DSCAML1: variants seen among roughly 807,000 people sequenced by gnomAD.
DSCAML1 encodes DS cell adhesion molecule like 1.
DSCAML1 carries 38 observed loss-of-function variants against 200.5 expected under a neutral mutation model. The ratio of observed to expected loss-of-function variants is 0.19; its 90% CI spans 0.15 to 0.25. The LOEUF (loss-of-function observed/expected upper bound fraction) is 0.25, where lower values mean the gene tolerates loss of function less well. DSCAML1 is among the 10% of genes least tolerant of loss of function. The pLI is 1.00. For synonymous variants in DSCAML1, 1,215 were observed against 1,165.0 expected (o/e 1.04, Z -0.87); for missense variants, 2,223 against 2,858.8 (o/e 0.78, Z 5.07).
intron 4 of DSCAML1, among the ~76,000 whole-genome samples, chr11:117,527,509 A>G (rs1356027005): frequency 6.6e-6 from 1 of 152,238 alleles, no homozygotes; most frequent in East Asian, 1.9e-4. Flanking sequence ...TTTTCTGGAT[A>G]GAAATCCACA....
intron 3 of DSCAML1, among the ~76,000 whole-genome samples, chr11:117,670,726 C>T (rs1272281756): frequency 1.3e-5 from 2 of 152,172 alleles, no homozygotes; most frequent in Non-Finnish European, 2.9e-5. Flanking sequence ...GCTTGGGTAA[C>T]GTTTCATCCT....
intron 8 of DSCAML1, among the ~76,000 whole-genome samples, chr11:117,514,780 C>T (rs988395124): frequency 2.6e-5 from 4 of 152,138 alleles, no homozygotes; most frequent in African/African-American, 7.2e-5. Context: ...CAGGGTTTCT[C>T]CACATTGGTC....
chr11:117,648,311 G>A (rs756555734), intron 3 of DSCAML1, among the ~76,000 whole-genome samples: 4 of 152,206 alleles, frequency 2.6e-5, no homozygotes, highest in Non-Finnish European at 5.9e-5. Flanking sequence ...GGTCTCCCCA[G>A]CAGGGGCCGG....
At chr11:117,464,637 G>A (rs927429706) in intron 17 of DSCAML1, among the ~76,000 whole-genome samples, 2 of 152,178 alleles carry the variant, frequency 1.3e-5, no homozygotes, top group African/African-American at 4.8e-5. Flanking sequence ...GGAAGGCCAA[G>A]GGAGAAGCGT....
intron 3 of DSCAML1, among the ~76,000 whole-genome samples, chr11:117,738,113 T>TTG (rs376624074): frequency 2.0e-5 from 3 of 151,972 alleles, no homozygotes; most frequent in African/African-American, 4.8e-5. Context: ...TGCTGAATGA[T>TTG]TGTGTGTGTG....
intron 3 of DSCAML1, among the ~76,000 whole-genome samples, chr11:117,614,736 T>C (rs142353193): frequency 2.0e-5 from 3 of 152,352 alleles, no homozygotes; most frequent in African/African-American, 7.2e-5. Context: ...CCCAACGCAG[T>C]CTGACTTCCC....
Position 117,642,932 on chromosome 11 carries a change from T to C in DSCAML1, c.512-110410A>G, listed in dbSNP as rs2052441714. Among the ~76,000 whole-genome samples the C allele has an allele frequency of 2.0e-5, 3 of 152,170 alleles. No homozygotes were observed. Among genetic ancestry groups the C allele is most frequent in the African/African-American group, 7.2e-5 (3 of 41,442 alleles). On this transcript the variant is annotated intron_variant, in intron 3 of 32. Transcript: ENST00000651296. The surrounding 1 kb of genome is among the most constrained non-coding windows in gnomAD (Gnocchi z 4.1). ...TAAAAGGAAGAGACGCCAGGACAGT[T>C]TTCCCCAACCTTCCTCACCAGAAAC...
At chr11:117,447,408 G>A (rs2048202050) in intron 20 of DSCAML1, among the ~76,000 whole-genome samples, 1 of 152,150 alleles carries the variant, frequency 6.6e-6, no homozygotes, top group African/African-American at 2.4e-5. Flanking sequence ...TTGGTTTAAT[G>A]AAACACCTCA....
At position 117,463,609 on chromosome 11, in the gene DSCAML1, C is replaced by T. The variant is rs192978160; in HGVS notation, c.3265+1333G>A. Among the ~76,000 whole-genome samples, 599 of 152,280 alleles carry T rather than the reference C, an allele frequency of 3.9e-3. 4 individuals carry two copies. Among genetic ancestry groups the T allele is most frequent in the Non-Finnish European group, 6.0e-3 (406 of 68,028 alleles). Reference sequence around the variant, plus strand: ...CACTAAGAGGAGACAAGCTGATCTTCCTCAATCCAGCCAGGCCCGAGGCCA... The same window carrying T: ...CACTAAGAGGAGACAAGCTGATCTTTCTCAATCCAGCCAGGCCCGAGGCCA... On this transcript the variant is annotated intron_variant, in intron 17 of 32. Transcript: ENST00000651296. This position sits in a 1 kb window ranked among gnomAD's most constrained non-coding sequence, Gnocchi z 4.0.
chr11:117,608,053 G>A (rs563430990), intron 3 of DSCAML1, among the ~76,000 whole-genome samples: 2 of 152,320 alleles, frequency 1.3e-5, no homozygotes, highest in Non-Finnish European at 2.9e-5. Context: ...ACATTGTAGT[G>A]GGTAAATTCT....
intron 3 of DSCAML1, among the ~76,000 whole-genome samples, chr11:117,538,499 G>A (rs2050207546): frequency 1.3e-5 from 2 of 152,226 alleles, no homozygotes; most frequent in South Asian, 4.1e-4. Flanking sequence ...TTCCTCCTCA[G>A]GAGCTGGGTT....
chr11:117,439,912 C>T lies in DSCAML1; in HGVS notation c.3887G>A (p.Gly1296Glu). 6.2e-7 allele frequency: 1 copy of T among 1,614,176 alleles called. No individual in the cohort carries two copies. The highest frequency in any genetic ancestry group is 1.1e-5 in the South Asian group (1 of 91,084). The stretch of plus-strand genomic sequence containing the variant: ...CATCCAAGGTGTTGTCACGGTGCCC[C>T]CAAAGGAGATGATCTTTGCTGGGGC... ...GKAPAKIISFGGTVTTPWMKD... is the reference protein window; with the variant it reads ...GKAPAKIISFEGTVTTPWMKD... The change falls in exon 22 of 33, where the codon GGG becomes GAG. Residue 1296 changes from glycine (G) to glutamate (E), a missense_variant. This residue lies in a region of DSCAML1 where 614 missense variants were observed against 739.1 expected (regional missense o/e 0.83). Coordinates refer to ENST00000651296, the MANE Select transcript of DSCAML1 (RefSeq NM_020693.4).
intron 1 of DSCAML1, among the ~76,000 whole-genome samples, chr11:117,786,063 T>G (rs1328603137): frequency 6.6e-6 from 1 of 152,114 alleles, no homozygotes; most frequent in East Asian, 1.9e-4. Flanking sequence ...CAGAGATTCC[T>G]CCCTTCCCCT....
chr11:117,669,211 G>A (rs1456603613), intron 3 of DSCAML1, among the ~76,000 whole-genome samples: 1 of 152,222 alleles, frequency 6.6e-6, no homozygotes, highest in Non-Finnish European at 1.5e-5. Context: ...TCCTGCTGGG[G>A]AGTGCAGCCC....
intron 16 of DSCAML1, among the ~76,000 whole-genome samples, chr11:117,468,788 G>A (rs115467023): frequency 7.9e-5 from 12 of 152,312 alleles, no homozygotes; most frequent in African/African-American, 2.6e-4. Context: ...GTGAGTGTGC[G>A]TGCACATGGT....
At chr11:117,576,180 T>A (rs774409262) in intron 3 of DSCAML1, among the ~76,000 whole-genome samples, 4 of 152,220 alleles carry the variant, frequency 2.6e-5, no homozygotes, top group African/African-American at 7.2e-5. Flanking sequence ...TAGGACCAAC[T>A]GACCCCTTTA....
At chr11:117,538,389 A>C (rs2050205224) in intron 3 of DSCAML1, among the ~76,000 whole-genome samples, 1 of 152,166 alleles carries the variant, frequency 6.6e-6, no homozygotes, top group Non-Finnish European at 1.5e-5. Context: ...GGCTGGCTCC[A>C]TGTCATCTCA....
intron 3 of DSCAML1, among the ~76,000 whole-genome samples, chr11:117,690,037 C>T (rs2053469772): frequency 6.6e-6 from 1 of 152,192 alleles, no homozygotes; most frequent in Non-Finnish European, 1.5e-5. Flanking sequence ...AGCATGCTCC[C>T]AGCACCTAGT....
At chr11:117,470,749 A>C (rs2048669760) in intron 15 of DSCAML1, among the ~76,000 whole-genome samples, 1 of 152,240 alleles carries the variant, frequency 6.6e-6, no homozygotes, top group African/African-American at 2.4e-5. Flanking sequence ...CTACAGTAGA[A>C]TGGACAAATC....
Sources: gnomAD v4.1 joint callset for allele counts (sites outside exome capture counted in the v4.1 genomes callset) on GRCh38, gnomAD v4.1.1 for gene constraint, gnomAD v4.1.1 regional missense constraint, Gnocchi (gnomAD v3.1) non-coding constraint, MANE v1.5 for transcripts, NCBI Gene and HGNC (gene_info 2026-07-23, HGNC 2026-07-21) for gene names.